AGMO: variants seen among roughly 807,000 people sequenced by gnomAD.
AGMO encodes alkylglycerol monooxygenase.
In AGMO, 75 loss-of-function variants were observed where a neutral mutation model predicts 60.2. The observed-to-expected ratio is 1.25, with a 90% CI of 1.03 to 1.51. The LOEUF is 1.51. Ranked by LOEUF, AGMO falls within the 40% of genes most tolerant of loss-of-function variation. The probability of loss-of-function intolerance (pLI) is 0.00; values close to 1 mark genes in which losing one functional copy is unlikely to be tolerated. For synonymous variants in AGMO, 261 were observed against 177.1 expected (o/e 1.47, Z -3.76); for missense variants, 763 against 525.5 (o/e 1.45, Z -4.42).
chr7:15,411,941 T>G (rs1442786932), intron 5 of AGMO, among the ~76,000 whole-genome samples: 1 of 152,116 alleles, frequency 6.6e-6, no homozygotes, highest in Non-Finnish European at 1.5e-5. Flanking sequence ...TAGACTTCCA[T>G]TAATTTTGGA....
intron 5 of AGMO, chr7:15,396,283 T>C (rs1415660397): frequency 6.6e-6 from 1 of 152,342 alleles, no homozygotes; most frequent in Non-Finnish European, 1.5e-5. Flanking sequence ...TCCGGAGTTG[T>C]TCTTCACACA....
At chr7:15,248,227 T>C (rs1384969734) in intron 12 of AGMO, among the ~76,000 whole-genome samples, 1 of 118,124 alleles carries the variant, frequency 8.5e-6, no homozygotes, top group Non-Finnish European at 1.8e-5. Context: ...TATATATATC[T>C]TCATCTTCAA....
intron 12 of AGMO, among the ~76,000 whole-genome samples, chr7:15,292,623 GAGA>G (rs1372739156): frequency 6.6e-6 from 1 of 151,828 alleles, no homozygotes; most frequent in Admixed American, 6.6e-5. Context: ...TTATTTTTGG[GAGA>G]AGGAGAAAAG....
chr7:15,210,819 G>T (rs1351940614), intron 12 of AGMO, among the ~76,000 whole-genome samples: 1 of 151,620 alleles, frequency 6.6e-6, no homozygotes. Flanking sequence ...ATTTGATCTG[G>T]GTTTTAAATT....
intron 2 of AGMO, among the ~76,000 whole-genome samples, chr7:15,549,161 A>T (rs1188941110): frequency 6.8e-6 from 1 of 146,850 alleles, no homozygotes; most frequent in Non-Finnish European, 1.5e-5. Flanking sequence ...GAGCTCCTGA[A>T]GGAAGCGCTA....
At position 15,418,550 on chromosome 7, in the gene AGMO, AG is replaced by A. The variant is rs1780840568; in HGVS notation, c.609+7del. The A allele has an allele frequency of 6.5e-7, 1 of 1,545,322 alleles. No homozygotes were observed. The highest frequency in any genetic ancestry group is 1.4e-5 in the African/African-American group (1 of 71,658). ...TATAAAACTTACAAAGATAAAAAAA[AG>A]TTTTACCTCTGTATGGATCCAAAAT... On this transcript the variant is annotated splice_region_variant and intron_variant, in intron 5 of 12. Transcript: ENST00000342526.
chr7:15,426,442 A>C lies in AGMO; in HGVS notation c.513+4563T>G, dbSNP rs566208203. On this transcript the variant is annotated intron_variant, in intron 4 of 12. Coordinates refer to ENST00000342526, the MANE Select transcript of AGMO (RefSeq NM_001004320.2). ...GGGTTTTATGGAACCAACCAACCAAACAAACAAACAAAAACCAAAATCTTC... is the reference window on the plus strand; with the variant it reads ...GGGTTTTATGGAACCAACCAACCAACCAAACAAACAAAAACCAAAATCTTC... Among the ~76,000 whole-genome samples the C allele has an allele frequency of 2.5e-3, 377 of 152,168 alleles. 1 individual carries two copies. Among genetic ancestry groups the C allele is most frequent in the African/African-American group, 8.1e-3 (336 of 41,544 alleles).
intron 12 of AGMO, among the ~76,000 whole-genome samples, chr7:15,232,047 C>A (rs2128499721): frequency 6.6e-6 from 1 of 152,254 alleles, no homozygotes; most frequent in East Asian, 1.9e-4. Flanking sequence ...ATAATTGTAT[C>A]TGTTTTCAAT....
chr7:15,140,966 G>A, the AGMO span, among the ~76,000 whole-genome samples: 15 of 152,178 alleles, frequency 9.9e-5, no homozygotes, highest in African/African-American at 3.1e-4. Flanking sequence ...CTTATATTTA[G>A]TTGACCTTAG....
At chr7:15,385,160 A>G (rs1783863309) in intron 10 of AGMO, among the ~76,000 whole-genome samples, 1 of 152,206 alleles carries the variant, frequency 6.6e-6, no homozygotes, top group Non-Finnish European at 1.5e-5. Flanking sequence ...TTTTTATTGT[A>G]ATTGTTTTAA....
intron 6 of AGMO, among the ~76,000 whole-genome samples, chr7:15,392,129 G>A (rs1461087831): frequency 1.3e-5 from 2 of 151,776 alleles, no homozygotes; most frequent in Admixed American, 6.6e-5. Flanking sequence ...GAGTGCAGTG[G>A]CGCCATCTCG....
chr7:15,466,718 G>A (rs540562444), intron 3 of AGMO, among the ~76,000 whole-genome samples: 4 of 152,168 alleles, frequency 2.6e-5, no homozygotes, highest in African/African-American at 9.6e-5. Context: ...TCATAGTATC[G>A]CTAAGGAGTT....
At chr7:15,177,183 A>G in the AGMO span, among the ~76,000 whole-genome samples, 3 of 152,116 alleles carry the variant, frequency 2.0e-5, no homozygotes, top group Non-Finnish European at 2.9e-5. Context: ...TAAAGGGCAT[A>G]GCTACATTGC....
intron 12 of AGMO, among the ~76,000 whole-genome samples, chr7:15,291,512 TAAG>T (rs1458189453): frequency 6.6e-6 from 1 of 152,160 alleles, no homozygotes; most frequent in Non-Finnish European, 1.5e-5. Context: ...GCTTAAATAT[TAAG>T]GAGAAAGAAA....
intron 12 of AGMO, among the ~76,000 whole-genome samples, chr7:15,336,594 T>C (rs1781670127): frequency 6.6e-6 from 1 of 152,152 alleles, no homozygotes; most frequent in Admixed American, 6.5e-5. Flanking sequence ...AATTGTCATT[T>C]AAATGTGTGC....
At chr7:15,299,690 T>A (rs1307889498) in intron 12 of AGMO, among the ~76,000 whole-genome samples, 1 of 151,988 alleles carries the variant, frequency 6.6e-6, no homozygotes, top group Non-Finnish European at 1.5e-5. Flanking sequence ...TAGCTGGGTA[T>A]GGTGGCACAC....
At chr7:15,255,357 C>T (rs1476429198) in intron 12 of AGMO, among the ~76,000 whole-genome samples, 3 of 151,784 alleles carry the variant, frequency 2.0e-5, no homozygotes, top group Admixed American at 6.6e-5. Flanking sequence ...ACTTAAAGCA[C>T]AATAAAAAAA....
chr7:15,419,651 T>G (rs764591578), intron 4 of AGMO, among the ~76,000 whole-genome samples: 4 of 150,992 alleles, frequency 2.6e-5, no homozygotes, highest in Middle Eastern at 3.4e-3. Flanking sequence ...CATAAAAATT[T>G]CAACTGTCAT....
chr7:15,225,881 A>T (rs1298285486), intron 12 of AGMO, among the ~76,000 whole-genome samples: 4 of 151,922 alleles, frequency 2.6e-5, no homozygotes, highest in Non-Finnish European at 5.9e-5. Flanking sequence ...TGTTTTTGAC[A>T]TTTTTTTCAT....
Sources: gnomAD v4.1 joint callset for allele counts (sites outside exome capture counted in the v4.1 genomes callset) on GRCh38, gnomAD v4.1.1 for gene constraint, MANE v1.5 for transcripts, NCBI Gene and HGNC (gene_info 2026-07-23, HGNC 2026-07-21) for gene names.